Variants in NTM observed in about 807,000 individuals in gnomAD.
NTM encodes neurotrimin.
A neutral mutation model predicts 42.1 loss-of-function variants in NTM; 13 were observed. The observed-to-expected ratio is 0.31, with a 90% confidence interval of 0.20 to 0.49. The LOEUF is 0.49. NTM is among the 20% of genes least tolerant of loss of function. NTM has a pLI of 0.99. For synonymous variants in NTM, 187 were observed against 179.2 expected, an observed-to-expected ratio of 1.04 and a Z score of -0.35; for missense variants, 373 against 452.8, an observed-to-expected ratio of 0.82 and a Z score of 1.60.
At chr11:132,197,914 T>C (rs577241490) in intron 3 of NTM, among the ~76,000 whole-genome samples, 38 of 152,204 alleles carry the variant, frequency 2.5e-4, no homozygotes, top group African/African-American at 8.4e-4. Flanking sequence ...GACATTTGGA[T>C]TGGTTCCAAG....
intron 1 of NTM, among the ~76,000 whole-genome samples, chr11:131,469,037 C>A (rs2136164679): frequency 6.6e-6 from 1 of 152,322 alleles, no homozygotes; most frequent in Non-Finnish European, 1.5e-5. Flanking sequence ...GTGGCTCTAG[C>A]TTTTTTATTC....
At chr11:131,407,170 G>A (rs1222184191) in intron 1 of NTM, among the ~76,000 whole-genome samples, 1 of 152,192 alleles carries the variant, frequency 6.6e-6, no homozygotes, top group African/African-American at 2.4e-5. Flanking sequence ...GGTGTCCAGA[G>A]AATATAGTTA....
intron 4 of NTM, among the ~76,000 whole-genome samples, chr11:132,291,310 C>T (rs928834190): frequency 1.6e-4 from 25 of 152,082 alleles, no homozygotes; most frequent in African/African-American, 5.8e-4. Flanking sequence ...ATATTGGATT[C>T]AGGAAGCGTT....
chr11:131,575,495 G>A (rs532272654), intron 1 of NTM, among the ~76,000 whole-genome samples: 24 of 151,336 alleles, frequency 1.6e-4, no homozygotes, highest in African/African-American at 2.2e-4. Flanking sequence ...TAAGGAAACC[G>A]AAGCATAGGA....
At chr11:131,727,579 T>C (rs758753106) in intron 1 of NTM, among the ~76,000 whole-genome samples, 2 of 152,168 alleles carry the variant, frequency 1.3e-5, no homozygotes, top group Non-Finnish European at 2.9e-5. Flanking sequence ...AAAACCCATT[T>C]AAGGTTTTTG....
intron 2 of NTM, among the ~76,000 whole-genome samples, chr11:132,069,590 C>G (rs1345442088): frequency 6.6e-6 from 1 of 150,896 alleles, no homozygotes; most frequent in East Asian, 2.0e-4. Context: ...TTAGTTAACA[C>G]GTCACACAGA....
At chr11:132,141,672 C>G (rs2069184341) in intron 2 of NTM, among the ~76,000 whole-genome samples, 1 of 152,152 alleles carries the variant, frequency 6.6e-6, no homozygotes, top group African/African-American at 2.4e-5. Context: ...ACAGTATAGG[C>G]CTATTCTCTA....
chr11:132,330,244 C>T (rs2095776021), intron 8 of NTM, 59 bp downstream of exon 8: 2 of 1,530,694 alleles, frequency 1.3e-6, no homozygotes, highest in Non-Finnish European at 1.8e-6. Context: ...TAAAACTCTT[C>T]ACCTTCCTCC....
chr11:132,081,642 G>A (rs2059066302), intron 2 of NTM, among the ~76,000 whole-genome samples: 3 of 151,562 alleles, frequency 2.0e-5, no homozygotes, highest in Non-Finnish European at 1.5e-5. Flanking sequence ...CGAGGCAGGA[G>A]AATGGCGTGA....
intron 1 of NTM, among the ~76,000 whole-genome samples, chr11:131,658,344 G>A (rs2067472059): frequency 6.6e-6 from 1 of 152,164 alleles, no homozygotes; most frequent in Non-Finnish European, 1.5e-5. Flanking sequence ...TTTTGGAGCA[G>A]TTTTAGGTTC....
intron 1 of NTM, among the ~76,000 whole-genome samples, chr11:131,904,728 C>T (rs964150463): frequency 2.0e-5 from 3 of 152,164 alleles, no homozygotes; most frequent in African/African-American, 7.2e-5. Flanking sequence ...GGATTGGCTA[C>T]TTTTCTGTTG....
chr11:132,073,858 T>A (rs553309604), intron 2 of NTM, among the ~76,000 whole-genome samples: 5 of 152,106 alleles, frequency 3.3e-5, no homozygotes, highest in Non-Finnish European at 5.9e-5. Flanking sequence ...CACAAACCTG[T>A]TTGGGGTTTG....
intron 1 of NTM, among the ~76,000 whole-genome samples, chr11:131,475,504 G>T (rs1224782979): frequency 6.6e-6 from 1 of 151,944 alleles, no homozygotes; most frequent in Non-Finnish European, 1.5e-5. Flanking sequence ...AGGAGGAGGA[G>T]GAGGATTGAA....
At chr11:131,814,671 G>A (rs954140467) in intron 1 of NTM, among the ~76,000 whole-genome samples, 1 of 152,096 alleles carries the variant, frequency 6.6e-6, no homozygotes, top group Non-Finnish European at 1.5e-5. Flanking sequence ...GGAGGTGAGC[G>A]GCAACACCAT....
intron 3 of NTM, among the ~76,000 whole-genome samples, chr11:132,202,372 T>G (rs946896803): frequency 6.6e-6 from 1 of 152,252 alleles, no homozygotes; most frequent in East Asian, 1.9e-4. Context: ...TATCCTCCCT[T>G]CGTGAACTGG....
At chr11:131,418,827 A>G (rs1002119110) in intron 1 of NTM, among the ~76,000 whole-genome samples, 3 of 152,226 alleles carry the variant, frequency 2.0e-5, no homozygotes, top group Non-Finnish European at 4.4e-5. Context: ...ATGTTTGTGT[A>G]TCATATGTAT....
intron 3 of NTM, among the ~76,000 whole-genome samples, chr11:132,159,182 CCTCT>C (rs1180449458): frequency 6.6e-6 from 1 of 152,158 alleles, no homozygotes; most frequent in African/African-American, 2.4e-5. Context: ...AGGAGACCCC[CCTCT>C]CTCCTTGAGG....
At chr11:132,232,588 T>C (rs1054154998) in intron 4 of NTM, among the ~76,000 whole-genome samples, 1 of 152,224 alleles carries the variant, frequency 6.6e-6, no homozygotes, top group Non-Finnish European at 1.5e-5. Context: ...ACTAAGTGGG[T>C]GACTCTTAAC....
At chr11:131,661,389 G>C (rs1188920375) in intron 1 of NTM, among the ~76,000 whole-genome samples, 2 of 152,198 alleles carry the variant, frequency 1.3e-5, no homozygotes, top group Non-Finnish European at 2.9e-5. Flanking sequence ...GGAAAATCAA[G>C]AACAAGGAAG....
Sources: allele counts gnomAD v4.1 joint callset (sites outside exome capture counted in the v4.1 genomes callset), GRCh38; gene constraint gnomAD v4.1.1; transcripts MANE v1.5; gene names NCBI Gene and HGNC (gene_info 2026-07-23, HGNC 2026-07-21).